The following LHFPL3 variants were observed in gnomAD, a reference collection of about 807,000 sequenced individuals.
LHFPL3 encodes LHFPL tetraspan subfamily member 3 protein.
Under a neutral mutation model 19.3 loss-of-function variants are expected in LHFPL3, and 5 were observed. That is an observed-to-expected ratio of 0.26 (90% CI 0.14 to 0.54). LHFPL3 has a LOEUF of 0.54. Ranked by LOEUF, LHFPL3 falls within the 20% of genes least tolerant of loss-of-function variation. The probability of loss-of-function intolerance (pLI) is 0.94; values close to 1 mark genes in which losing one functional copy is unlikely to be tolerated. For synonymous variants in LHFPL3, 133 were observed against 126.2 expected (o/e 1.05, Z -0.36); for missense variants, 249 against 307.4 (o/e 0.81, Z 1.42).
chr7:104,630,671 T>C (rs1457595026), intron 1 of LHFPL3, among the ~76,000 whole-genome samples: 1 of 152,094 alleles, frequency 6.6e-6, no homozygotes, highest in Non-Finnish European at 1.5e-5. Flanking sequence ...TGGAACCAGT[T>C]CTCTCTCATG....
At chr7:104,536,325 G>A (rs1794386748) in intron 1 of LHFPL3, among the ~76,000 whole-genome samples, 1 of 152,058 alleles carries the variant, frequency 6.6e-6, no homozygotes, top group Non-Finnish European at 1.5e-5. Context: ...AATGATCATG[G>A]AAAGCAAATG....
intron 1 of LHFPL3, among the ~76,000 whole-genome samples, chr7:104,441,481 A>G (rs1468351571): frequency 1.3e-5 from 2 of 152,168 alleles, no homozygotes; most frequent in African/African-American, 2.4e-5. Flanking sequence ...TTATCCATTA[A>G]TGGATATTTA....
chr7:104,867,336 C>A (rs957984340), intron 2 of LHFPL3, among the ~76,000 whole-genome samples: 12 of 151,810 alleles, frequency 7.9e-5, no homozygotes, highest in African/African-American at 2.9e-4. Flanking sequence ...GCTGGCAAGA[C>A]TAATAAAGAA....
chr7:104,621,800 C>CGCTAG (rs1791450852), intron 1 of LHFPL3, among the ~76,000 whole-genome samples: 1 of 152,110 alleles, frequency 6.6e-6, no homozygotes, highest in South Asian at 2.1e-4. Context: ...GATGACTCCT[C>CGCTAG]CACTGATAAA....
At chr7:104,857,393 T>C (rs1227621805) in intron 2 of LHFPL3, among the ~76,000 whole-genome samples, 2 of 152,210 alleles carry the variant, frequency 1.3e-5, no homozygotes, top group Admixed American at 1.3e-4. Flanking sequence ...TTTTACTCAT[T>C]CTATATTATG....
chr7:104,665,735 A>G (rs10241057), intron 1 of LHFPL3, among the ~76,000 whole-genome samples: 68,846 of 152,126 alleles, frequency 0.45, 16,241 homozygotes, highest in East Asian at 0.76. Flanking sequence ...GATGCATGAA[A>G]GATGACCTAT....
At chr7:104,631,416 G>A (rs910049008) in intron 1 of LHFPL3, among the ~76,000 whole-genome samples, 5 of 152,168 alleles carry the variant, frequency 3.3e-5, no homozygotes, top group African/African-American at 1.2e-4. Flanking sequence ...CCGTGGCTGA[G>A]AATCAGTGGT....
chr7:104,610,431 A>T (rs1179287528), intron 1 of LHFPL3, among the ~76,000 whole-genome samples: 1 of 152,094 alleles, frequency 6.6e-6, no homozygotes, highest in East Asian at 1.9e-4. Context: ...TACTTACTCT[A>T]AAAAATTGGC....
At position 104,885,265 on chromosome 7, in the gene LHFPL3, T is replaced by C. The variant is rs184672773; in HGVS notation, c.683-20922T>C. On this transcript the variant is annotated intron_variant, in intron 2 of 2. Coordinates refer to ENST00000424859, the MANE Select transcript of LHFPL3 (RefSeq NM_199000.3). ...ATTTCTCCTCCCTCCAAGGGTGGTA[T>C]GGTACAGGGCCAGTCCTTGGCCTTT... 3.9e-5 allele frequency among the ~76,000 whole-genome samples: 6 copies of C among 152,340 alleles called. No individual in the cohort carries two copies. In the East Asian group the frequency reaches 1.2e-3, roughly 29 times the overall value.
intron 1 of LHFPL3, among the ~76,000 whole-genome samples, chr7:104,350,330 A>G (rs1361435573): frequency 6.6e-6 from 1 of 152,170 alleles, no homozygotes; most frequent in Non-Finnish European, 1.5e-5. Context: ...ATTGGACAGA[A>G]CCGTCAGAGA....
At chr7:104,385,663 A>AATTT (rs200415516) in intron 1 of LHFPL3, among the ~76,000 whole-genome samples, 13 of 101,680 alleles carry the variant, frequency 1.3e-4, no homozygotes, top group East Asian at 3.0e-4. Context: ...TACTCATGGC[A>AATTT]ATTTATTCAT....
At chr7:104,386,016 C>T (rs747368261) in intron 1 of LHFPL3, among the ~76,000 whole-genome samples, 4 of 151,950 alleles carry the variant, frequency 2.6e-5, no homozygotes, top group Admixed American at 1.3e-4. Flanking sequence ...ATGTAAGAAG[C>T]GTTTATTCAA....
chr7:104,673,999 A>G (rs916586896), intron 1 of LHFPL3, among the ~76,000 whole-genome samples: 2 of 150,374 alleles, frequency 1.3e-5, no homozygotes, highest in Non-Finnish European at 3.0e-5. Context: ...GTGAAAAGAG[A>G]CCAACTGGAC....
At chr7:104,557,496 A>G (rs1789871521) in intron 1 of LHFPL3, among the ~76,000 whole-genome samples, 1 of 152,088 alleles carries the variant, frequency 6.6e-6, no homozygotes, top group African/African-American at 2.4e-5. Flanking sequence ...ACCCACCCAC[A>G]TAATTCAATC....
intron 1 of LHFPL3, among the ~76,000 whole-genome samples, chr7:104,508,416 A>G (rs1286768944): frequency 7.1e-6 from 1 of 140,308 alleles, no homozygotes; most frequent in East Asian, 2.2e-4. Flanking sequence ...CAATGAGATC[A>G]CATGGACACA....
At chr7:104,556,309 G>C (rs1040607127) in intron 1 of LHFPL3, among the ~76,000 whole-genome samples, 2 of 152,164 alleles carry the variant, frequency 1.3e-5, no homozygotes, top group Non-Finnish European at 2.9e-5. Context: ...CCCCCCTGCA[G>C]CAAACTCTGC....
chr7:104,874,407 G>T (rs111892978), intron 2 of LHFPL3, among the ~76,000 whole-genome samples: 27,722 of 90,440 alleles, frequency 0.31, 2,822 homozygotes, highest in African/African-American at 0.36. Context: ...TTTTTTTTTT[G>T]GGGGGGGGAC....
chr7:104,449,036 A>G (rs956923083), intron 1 of LHFPL3, among the ~76,000 whole-genome samples: 3 of 152,216 alleles, frequency 2.0e-5, no homozygotes, highest in African/African-American at 4.8e-5. Context: ...CTATCTTTCA[A>G]AAGGATTCAT....
intron 1 of LHFPL3, among the ~76,000 whole-genome samples, chr7:104,365,256 G>A (rs1222746252): frequency 2.6e-5 from 4 of 151,944 alleles, no homozygotes; most frequent in African/African-American, 9.7e-5. Flanking sequence ...CCAAGATCTC[G>A]CCATTGCACT....
Sources: gnomAD v4.1 joint callset for allele counts (sites outside exome capture counted in the v4.1 genomes callset) on GRCh38, gnomAD v4.1.1 for gene constraint, MANE v1.5 for transcripts, NCBI Gene and HGNC (gene_info 2026-07-23, HGNC 2026-07-21) for gene names.